PPFIA4: variants seen among roughly 807,000 people sequenced by gnomAD.
The protein encoded by PPFIA4 is PPFI scaffold protein A4, also known as liprin-alpha-4.
Under a neutral mutation model 145.7 loss-of-function variants are expected in PPFIA4, and 98 were observed. That is an observed-to-expected ratio of 0.67 (90% CI 0.57 to 0.80). The LOEUF (loss-of-function observed/expected upper bound fraction) is 0.80. Ranked by LOEUF, PPFIA4 falls within the 30% of genes least tolerant of loss-of-function variation. The pLI, the probability that PPFIA4 is intolerant of heterozygous loss-of-function variation, is 0.00. For missense variants in PPFIA4, 1,457 were observed against 1,632.7 expected (o/e 0.89, Z 1.85); for synonymous variants, 628 against 649.6 (o/e 0.97, Z 0.51).
intron 1 of PPFIA4, chr1:203,035,356 C>T (rs1659161972): frequency 2.2e-6 from 1 of 454,416 alleles, no homozygotes; most frequent in Non-Finnish European, 4.4e-6. Flanking sequence ...GTGTGTGGGG[C>T]CAGCCAGAGC....
Position 203,043,305 on chromosome 1 carries a change from A to T in PPFIA4, c.235-92A>T. ...GTGGGGGAGGTGGTGGAAGTAAGGG[A>T]TGGGTGAGAGGATCCCACCACTGAC... On this transcript the variant is annotated intron_variant, in intron 2 of 29. Coordinates refer to ENST00000295706, the MANE Select transcript of PPFIA4 (RefSeq NM_001304331.2). This position sits in a 1 kb window ranked among gnomAD's most constrained non-coding sequence, Gnocchi z 4.4. The T allele has an allele frequency of 9.1e-7, 1 of 1,099,070 alleles. No homozygotes were observed. The allele number at this position is 1,099,070 out of a possible 1,614,324, so 68.1% of individuals were successfully genotyped here.
rs1661257500 is a variant in PPFIA4, at chr1:203,060,121, C to T, written c.2584-96C>T. On this transcript the variant is annotated intron_variant, in intron 21 of 29. Transcript: ENST00000295706. The surrounding 1 kb of genome is among the most constrained non-coding windows in gnomAD (Gnocchi z 4.8). ...TATGATCTGTATTTGCTATTCGAGTCCGTGGATGAGGCCTGGCCCTTGCCC... is the reference window on the plus strand; with the variant it reads ...TATGATCTGTATTTGCTATTCGAGTTCGTGGATGAGGCCTGGCCCTTGCCC... 3.4e-6 allele frequency: 4 copies of T among 1,187,234 alleles called. No individual in the cohort carries two copies. In the South Asian group the frequency reaches 5.6e-5, roughly 17 times the overall value. The allele number at this position is 1,187,234 out of a possible 1,614,324, so 73.5% of individuals were successfully genotyped here.
rs1659861077 is a variant in PPFIA4, at chr1:203,043,695, C to G, written c.336+197C>G. Among the ~76,000 whole-genome samples, 1 of 152,122 alleles carries G rather than the reference C, an allele frequency of 6.6e-6. No homozygotes were observed. The highest frequency in any genetic ancestry group is 2.1e-4 in the South Asian group (1 of 4,822). ...CGTTTAACCACCAGTGCTGGGCTCT[C>G]CACCTGTAGTTGCTGGTTCACAGAA... On this transcript the variant is annotated intron_variant, in intron 3 of 29. Coordinates refer to ENST00000295706, the MANE Select transcript of PPFIA4 (RefSeq NM_001304331.2). This position sits in a 1 kb window ranked among gnomAD's most constrained non-coding sequence, Gnocchi z 4.4.
chr1:203,032,360 T>G (rs1287475151), intron 1 of PPFIA4, among the ~76,000 whole-genome samples: 2 of 151,640 alleles, frequency 1.3e-5, no homozygotes, highest in Admixed American at 6.6e-5. Context: ...TCTATAATTT[T>G]GGGTATTTCA....
At chr1:203,045,322 TG>T in intron 6 of PPFIA4, 45 bp from the exon 7 acceptor site, 1 of 1,467,008 alleles carries the variant, frequency 6.8e-7, no homozygotes, top group Non-Finnish European at 9.1e-7. Context: ...GTGGGGTGGG[TG>T]GGATGCTGCT....
chr1:203,050,897 A>C (rs892960775), intron 13 of PPFIA4, among the ~76,000 whole-genome samples: 4 of 150,584 alleles, frequency 2.7e-5, no homozygotes, highest in African/African-American at 9.8e-5. Context: ...TTTTTTCTTA[A>C]TGGTTGGGAA....
At chr1:203,051,507 A>G in intron 13 of PPFIA4, 1 of 672,352 alleles carries the variant, frequency 1.5e-6, no homozygotes, top group Non-Finnish European at 2.1e-6. Flanking sequence ...AACTCTTGCC[A>G]TTAGAAGATC....
At position 203,046,229 on chromosome 1, in the gene PPFIA4, A is replaced by G. The variant is rs1660073087; in HGVS notation, c.1006-19A>G. 6.3e-7 allele frequency: 1 copy of G among 1,577,740 alleles called. No individual in the cohort carries two copies. Among genetic ancestry groups the G allele is most frequent in the Non-Finnish European group, 8.6e-7 (1 of 1,162,416 alleles). ...TCAGTGCTCCCTTTTGAATCACTTC[A>G]CCACCCCCACATTGCTAGTGTGAGG... On this transcript the variant is annotated intron_variant, in intron 8 of 29. Transcript: ENST00000295706.
intron 23 of PPFIA4, chr1:203,061,292 G>C: frequency 1.8e-6 from 1 of 567,008 alleles, no homozygotes; most frequent in Non-Finnish European, 3.1e-6. Flanking sequence ...TACAGCGGAG[G>C]AGAGTTGGGC....
At position 203,028,076 on chromosome 1, in the gene PPFIA4, G is replaced by C. The variant is rs549673044; in HGVS notation, c.-400+1447G>C. Among the ~76,000 whole-genome samples, 89 of 152,332 alleles carry C rather than the reference G, an allele frequency of 5.8e-4. 3 individuals carry two copies. The South Asian group carries it at 0.017, about 29-fold the overall frequency. On this transcript the variant is annotated intron_variant, in intron 1 of 29. Transcript: ENST00000295706. ...CGGTATCTCAAAGTAAGGAGATAAT[G>C]AATGACAAAATGGTTATTGGGGGCC...
intron 1 of PPFIA4, among the ~76,000 whole-genome samples, chr1:203,032,756 A>G (rs1658945804): frequency 6.6e-6 from 1 of 151,674 alleles, no homozygotes; most frequent in South Asian, 2.1e-4. Flanking sequence ...CTTCCCCATT[A>G]GTTTTGACAT....
chr1:203,047,409 A>T (rs1362054045), intron 9 of PPFIA4, among the ~76,000 whole-genome samples: 1 of 152,162 alleles, frequency 6.6e-6, no homozygotes, highest in Non-Finnish European at 1.5e-5. Context: ...TGGGCTGCTG[A>T]GCAGTCAGCC....
At chr1:203,031,055 C>T (rs543606675) in intron 1 of PPFIA4, among the ~76,000 whole-genome samples, 1 of 151,314 alleles carries the variant, frequency 6.6e-6, no homozygotes, top group South Asian at 2.1e-4. Flanking sequence ...AACATATACT[C>T]TCTCTCTCTC....
At position 203,061,640 on chromosome 1, in the gene PPFIA4, C is replaced by T. The variant is rs915244839; in HGVS notation, c.2848-12C>T. ...CCTGTTTCCCCTAACACGCTGCACT[C>T]GTTCCTGCTAGGACAGTGAGGAGGG... On this transcript the variant is annotated splice_polypyrimidine_tract_variant and intron_variant, in intron 23 of 29. Coordinates refer to ENST00000295706, the MANE Select transcript of PPFIA4 (RefSeq NM_001304331.2). The T allele has an allele frequency of 1.7e-5, 26 of 1,562,072 alleles. No homozygotes were observed. Among genetic ancestry groups the T allele is most frequent in the Admixed American group, 1.3e-4 (7 of 52,952 alleles).
intron 1 of PPFIA4, among the ~76,000 whole-genome samples, chr1:203,027,173 AG>A (rs1037287285): frequency 7.4e-6 from 1 of 135,098 alleles, no homozygotes; most frequent in Non-Finnish European, 1.6e-5. Flanking sequence ...CCGCAGTGCC[AG>A]GGCGGTGGGG....
chr1:203,052,050 C>CCG (rs200186992), intron 14 of PPFIA4, among the ~76,000 whole-genome samples, 173 bp downstream of exon 14: 3 of 138,512 alleles, frequency 2.2e-5, no homozygotes, highest in East Asian at 4.1e-4. Context: ...GCTGTGCCCC[C>CCG]CCCCCCGCTT....
At chr1:203,047,807 C>T (rs1212200063) in intron 9 of PPFIA4, among the ~76,000 whole-genome samples, 1 of 152,140 alleles carries the variant, frequency 6.6e-6, no homozygotes, top group Non-Finnish European at 1.5e-5. Flanking sequence ...TCTAAGGTCA[C>T]ACAGGTGGTA....
In PPFIA4 at chr1:203,046,262, C is replaced by T; in HGVS notation, c.1020C>T (p.Ala340=). The change falls in exon 9 of 30, where the codon GCC becomes GCT. Residue 340 remains alanine, a synonymous_variant. Transcript: ENST00000295706. ...ESLHRQCEEK[A]RHLQELLEVA... is the part of the protein sequence containing the mutation. ...CACATTGCTAGTGTGAGGAGAAGGCCCGACACCTGCAGGAGCTGCTGGAGG... is the reference window on the plus strand; with the variant it reads ...CACATTGCTAGTGTGAGGAGAAGGCTCGACACCTGCAGGAGCTGCTGGAGG... 6.3e-7 allele frequency: 1 copy of T among 1,593,970 alleles called. No individual in the cohort carries two copies. The highest frequency in any genetic ancestry group is 1.3e-5 in the African/African-American group (1 of 74,628).
intron 1 of PPFIA4, chr1:203,037,200 C>A: frequency 2.7e-6 from 1 of 372,662 alleles, no homozygotes; most frequent in Non-Finnish European, 5.6e-6. Context: ...GGAGGGGGTC[C>A]AGGTAGGAGA....
Sources: allele counts gnomAD v4.1 joint callset (sites outside exome capture counted in the v4.1 genomes callset), GRCh38; gene constraint gnomAD v4.1.1; non-coding constraint Gnocchi (gnomAD v3.1); transcripts MANE v1.5; gene names NCBI Gene and HGNC (gene_info 2026-07-23, HGNC 2026-07-21).